The following ZZEF1 variants were observed in gnomAD, a reference collection of about 807,000 sequenced individuals.
ZZEF1 encodes zinc finger ZZ-type and EF-hand domain containing 1.
In ZZEF1, 157 loss-of-function variants were observed where a neutral mutation model predicts 342.8. The ratio of observed to expected loss-of-function variants is 0.46; its 90% CI spans 0.40 to 0.52. ZZEF1 has a LOEUF of 0.52. ZZEF1 is among the 20% of genes least tolerant of loss of function. ZZEF1 has a pLI of 0.00. For synonymous variants in ZZEF1, 1,505 were observed against 1,429.1 expected (o/e 1.05, Z -1.20); for missense variants, 3,480 against 3,725.6 (o/e 0.93, Z 1.72).
At chr17:4,117,367 T>C (rs948070547) in intron 2 of ZZEF1, among the ~76,000 whole-genome samples, 3 of 152,214 alleles carry the variant, frequency 2.0e-5, no homozygotes, top group African/African-American at 7.2e-5. Flanking sequence ...TTAATTTAGC[T>C]GGGTGCAGTG....
chr17:4,133,733 T>C (rs372441927), intron 1 of ZZEF1, among the ~76,000 whole-genome samples: 1 of 150,006 alleles, frequency 6.7e-6, no homozygotes, highest in Non-Finnish European at 1.5e-5. Context: ...TTTTTTTTTT[T>C]CTTTTTGAGA....
rs9894540 is a variant in ZZEF1 at position 4,005,787 on chromosome 17, G to T, written c.*1103C>A. The stretch of plus-strand genomic sequence containing the variant: ...CTAAAGGCATGCTCCAACCCCACGG[G>T]TCCCACTAAGGCCGGCACGCAGCCC... On this transcript the variant is annotated 3_prime_UTR_variant, in exon 55 of 55. Transcript: ENST00000381638. 0.14 allele frequency: 21,819 copies of T among 152,250 alleles called. 1,894 individuals are homozygous for T. Among genetic ancestry groups the T allele is most frequent in the African/African-American group, 0.24 (10,073 of 41,488 alleles). 9.4% of individuals were successfully genotyped at this position (152,250 alleles called of 1,614,324 possible). A position where few individuals can be genotyped will look rare whatever the true frequency, so the allele number is the denominator to read the frequency against.
Position 4,117,095 on chromosome 17 carries a change from G to A in ZZEF1, c.571C>T (p.His191Tyr), listed in dbSNP as rs889840476. ...ACCGCGCTGGAGAGCCGATTGCGGT[G>A]CAGGAAGCGCAGTATCATTGACGAG... ...IHSSMILRFL[H>Y]RNRLSSAVMP... is the part of the protein sequence containing the mutation. The change falls in exon 3 of 55, where the codon CAC becomes TAC. Residue 191 changes from histidine (H) to tyrosine (Y), a missense_variant. By Grantham distance (83) the His-to-Tyr change is moderately conservative (BLOSUM62 2). This residue lies in a region of ZZEF1 where 416 missense variants were observed against 374.2 expected (regional missense o/e 1.11). Transcript: ENST00000381638. The A allele has an allele frequency of 6.2e-7, 1 of 1,614,184 alleles. No individual in the cohort carries two copies. The highest frequency in any genetic ancestry group is 8.5e-7 in the Non-Finnish European group (1 of 1,180,032).
Position 4,076,945 on chromosome 17 carries a change from G to A in ZZEF1, c.3034C>T (p.Leu1012Phe). The change falls in exon 20 of 55, where the codon CTT becomes TTT. Residue 1012 changes from leucine (L) to phenylalanine (F), a missense_variant. Transcript: ENST00000381638. Reference protein sequence around the residue: ...LASMRAILESLFSQYSGKTIV... With the variant: ...LASMRAILESFFSQYSGKTIV... ...GTTTTTCCACTGTACTGTGAGAAAAGGGATTCCAAAATCGCTCTCATGCTT... is the reference window on the plus strand; with the variant it reads ...GTTTTTCCACTGTACTGTGAGAAAAAGGATTCCAAAATCGCTCTCATGCTT... 1.9e-6 allele frequency: 3 copies of A among 1,614,028 alleles called. No homozygotes were observed. Among genetic ancestry groups the A allele is most frequent in the Non-Finnish European group, 1.7e-6 (2 of 1,179,962 alleles).
chr17:4,094,045 T>C (rs1329523204), intron 11 of ZZEF1, among the ~76,000 whole-genome samples: 1 of 152,174 alleles, frequency 6.6e-6, no homozygotes, highest in Non-Finnish European at 1.5e-5. Context: ...GAGTTTTCCT[T>C]GTTGCCCCTT....
In ZZEF1 at chr17:4,008,400, T is replaced by C. The variant is rs768981112; in HGVS notation, c.8805+483A>G. The C allele has an allele frequency of 2.3e-6, 1 of 438,866 alleles. No homozygotes were observed. Among genetic ancestry groups the C allele is most frequent in the Non-Finnish European group, 3.0e-6 (1 of 330,774 alleles). The allele number at this position is 438,866 out of a possible 1,614,324, so 27.2% of individuals were successfully genotyped here. ...ATAAATTGATAAAGGTTTACACTTT[T>C]GCTTAATTTTTAAATTGAAAATCTC... On this transcript the variant is annotated intron_variant, in intron 54 of 54. Transcript: ENST00000381638. This position sits in a 1 kb window ranked among gnomAD's most constrained non-coding sequence, Gnocchi z 4.2.
At chr17:4,009,319 C>G (rs1363815086) in intron 53 of ZZEF1, 1 of 573,696 alleles carries the variant, frequency 1.7e-6, no homozygotes, top group East Asian at 2.9e-5. Context: ...AGAAATAACC[C>G]ATCGTTTTAT....
At position 4,064,061 on chromosome 17, in the gene ZZEF1, G is replaced by GGA. The variant is rs2057339771; in HGVS notation, c.4718+298_4718+299dup. On this transcript the variant is annotated intron_variant, in intron 29 of 54. Transcript: ENST00000381638. ...TTTTTAAAAAAAATTTTTTGTAGAT[G>GGA]GAGGGGGGGGGGTCTCACTATGTTG... Among the ~76,000 whole-genome samples, 3 of 142,150 alleles carry GGA rather than the reference G, an allele frequency of 2.1e-5. No homozygotes were observed. The South Asian group carries it at 6.8e-4, about 32-fold the overall frequency. 93.3% of individuals were successfully genotyped at this position (142,150 alleles called of 152,430 possible). A position where few individuals can be genotyped will look rare whatever the true frequency, so the allele number is the denominator to read the frequency against.
At chr17:4,084,436 C>G (rs1426272371) in intron 16 of ZZEF1, among the ~76,000 whole-genome samples, 5 of 152,132 alleles carry the variant, frequency 3.3e-5, no homozygotes, top group African/African-American at 1.2e-4. Flanking sequence ...TAGGGTTCTT[C>G]TAACTATGTT....
At chr17:4,019,966 T>G in intron 45 of ZZEF1, 197 bp from the exon 46 acceptor site, 1 of 469,742 alleles carries the variant, frequency 2.1e-6, no homozygotes. Flanking sequence ...ACACTACGAC[T>G]GTAACTTCAA....
At position 4,007,068 on chromosome 17, in the gene ZZEF1, C is replaced by T. The variant is rs116168236; in HGVS notation, c.8806-98G>A. Reference sequence around the variant, plus strand: ...CAGCTGAGCACTGAGGATGTGGGGACGGAGGAGGGGAACCAGATGTGTTCC... The same window carrying T: ...CAGCTGAGCACTGAGGATGTGGGGATGGAGGAGGGGAACCAGATGTGTTCC... On this transcript the variant is annotated intron_variant, in intron 54 of 54. Transcript: ENST00000381638. The T allele has an allele frequency of 3.2e-4, 357 of 1,110,376 alleles. No individual in the cohort carries two copies. The African/African-American group carries it at 3.6e-3, about 11-fold the overall frequency. The allele number at this position is 1,110,376 out of a possible 1,614,324, so 68.8% of individuals were successfully genotyped here.
chr17:4,134,705 C>T (rs1033691826), intron 1 of ZZEF1, among the ~76,000 whole-genome samples: 2 of 151,862 alleles, frequency 1.3e-5, no homozygotes, highest in African/African-American at 2.4e-5. Flanking sequence ...GGTTAGTACA[C>T]GATGGAGCTT....
chr17:4,070,546 T>A, intron 26 of ZZEF1, 138 bp downstream of exon 26: 1 of 1,113,570 alleles, frequency 9.0e-7, no homozygotes, highest in African/African-American at 1.6e-5. Flanking sequence ...ATAGGCAAAG[T>A]AGAACCAACA....
At chr17:4,132,818 T>G (rs9904329) in intron 1 of ZZEF1, among the ~76,000 whole-genome samples, 4,551 of 150,048 alleles carry the variant, frequency 0.03, 240 homozygotes, top group African/African-American at 0.1. Flanking sequence ...TACAAAAAAT[T>G]AGCCGGGTGT....
intron 32 of ZZEF1, among the ~76,000 whole-genome samples, chr17:4,057,047 A>ACATT (rs1285280924): frequency 6.6e-6 from 1 of 152,232 alleles, no homozygotes; most frequent in Non-Finnish European, 1.5e-5. Context: ...CTACAAATAC[A>ACATT]CATTCATTCA....
chr17:4,035,017 CTG>C (rs998589728), intron 39 of ZZEF1, among the ~76,000 whole-genome samples: 2 of 151,932 alleles, frequency 1.3e-5, no homozygotes, highest in Admixed American at 6.6e-5. Flanking sequence ...AACAACATGT[CTG>C]TGTGTGTATA....
At chr17:4,038,276 C>T (rs2056720070) in intron 39 of ZZEF1, among the ~76,000 whole-genome samples, 1 of 152,154 alleles carries the variant, frequency 6.6e-6, no homozygotes, top group Admixed American at 6.5e-5. Context: ...ACGGCAGAAA[C>T]TGTTTGGCAG....
chr17:4,079,356 G>C (rs540815274), intron 18 of ZZEF1, among the ~76,000 whole-genome samples: 1 of 152,240 alleles, frequency 6.6e-6, no homozygotes, highest in East Asian at 1.9e-4. Flanking sequence ...CAGGCTTCAG[G>C]GATCTGAGAA....
chr17:4,058,004 T>G lies in ZZEF1; in HGVS notation c.5155A>C (p.Ser1719Arg), dbSNP rs753972333. The G allele has an allele frequency of 6.3e-5, 101 of 1,613,972 alleles. No homozygotes were observed. The highest frequency in any genetic ancestry group is 1.9e-5 in the Non-Finnish European group (22 of 1,179,984). ...MSQENISVHDSVISQWSEEDE... is the reference protein window; with the variant it reads ...MSQENISVHDRVISQWSEEDE... ...GGACCGTGCTCTTACCTGATCACAC[T>G]GTCATGGACACTTATATTCTCCTGT... Residue 1719 changes from serine to arginine, a missense_variant, in exon 32 of 55, where the codon AGT becomes CGT. Transcript: ENST00000381638.
Sources: gnomAD v4.1 joint callset for allele counts (sites outside exome capture counted in the v4.1 genomes callset) on GRCh38, gnomAD v4.1.1 for gene constraint, gnomAD v4.1.1 regional missense constraint, Gnocchi (gnomAD v3.1) non-coding constraint, MANE v1.5 for transcripts, NCBI Gene and HGNC (gene_info 2026-07-23, HGNC 2026-07-21) for gene names.